ASPRV1: variants seen among roughly 807,000 people sequenced by gnomAD.
ASPRV1 encodes aspartic peptidase retroviral like 1.
ASPRV1 carries 7 observed loss-of-function variants against 11.0 expected under a neutral mutation model. The observed-to-expected ratio is 0.64, with a 90% CI of 0.36 to 1.20. The LOEUF is 1.20. ASPRV1 is among the 50% of genes most tolerant of loss of function. ASPRV1 has a pLI of 0.02. For missense variants in ASPRV1, 299 were observed against 320.0 expected (o/e 0.93, Z 0.50); for synonymous variants, 136 against 138.4 (o/e 0.98, Z 0.12).
At chr2:69,941,085 C>G in the ASPRV1 span, 1 of 151,976 alleles carries the variant, frequency 6.6e-6, no homozygotes, top group Non-Finnish European at 1.5e-5. Context: ...GACAATTGTA[C>G]GTAAATACAG....
chr2:69,960,448 C>T lies in ASPRV1; in HGVS notation c.*209G>A, dbSNP rs1323150541. On this transcript the variant is annotated 3_prime_UTR_variant, in exon 1 of 1. Transcript: ENST00000320256. ...TGGGGACCCTGTCCCTCTAAGCCAGCCTGCTCTCCCTCACCTGTGCCTGTT... is the reference window on the plus strand; with the variant it reads ...TGGGGACCCTGTCCCTCTAAGCCAGTCTGCTCTCCCTCACCTGTGCCTGTT... 1 of 574,614 alleles carries T rather than the reference C, an allele frequency of 1.7e-6. No individual in the cohort carries two copies. The highest frequency in any genetic ancestry group is 3.0e-5 in the Admixed American group (1 of 33,096). The allele number at this position is 574,614 out of a possible 1,614,324, so 35.6% of individuals were successfully genotyped here.
chr2:69,955,050 A>T, the ASPRV1 span, among the ~76,000 whole-genome samples: 1 of 152,232 alleles, frequency 6.6e-6, no homozygotes, highest in Non-Finnish European at 1.5e-5. Flanking sequence ...AGTGAAAAGC[A>T]TAACAGCTTT....
the ASPRV1 span, among the ~76,000 whole-genome samples, chr2:70,086,799 G>C: frequency 1.3e-5 from 2 of 152,246 alleles, no homozygotes; most frequent in Non-Finnish European, 2.9e-5. Flanking sequence ...TTCTTTTTAG[G>C]ACCACGTTTC....
At chr2:70,031,567 G>A in the ASPRV1 span, 1 of 152,168 alleles carries the variant, frequency 6.6e-6, no homozygotes, top group Non-Finnish European at 1.5e-5. Flanking sequence ...AGTGGTGGTG[G>A]GCGCCTGTTG....
chr2:69,998,632 G>A, the ASPRV1 span, among the ~76,000 whole-genome samples: 1 of 152,058 alleles, frequency 6.6e-6, no homozygotes, highest in African/African-American at 2.4e-5. Flanking sequence ...AGGAGGCTGA[G>A]GCAGGAGAAT....
chr2:70,086,400 A>G, the ASPRV1 span: 1 of 152,286 alleles, frequency 6.6e-6, no homozygotes, highest in Non-Finnish European at 1.5e-5. Flanking sequence ...GCTTAGCCCA[A>G]GGAGGAAGGG....
At chr2:69,972,732 GC>G in the ASPRV1 span, among the ~76,000 whole-genome samples, 7 of 151,958 alleles carry the variant, frequency 4.6e-5, no homozygotes, top group African/African-American at 1.5e-4. Context: ...CCTTTTCTTG[GC>G]CCCACACTGA....
chr2:69,935,409 G>A, the ASPRV1 span: 28 of 1,614,068 alleles, frequency 1.7e-5, no homozygotes, highest in Admixed American at 2.3e-4. Context: ...ACTTGGACCC[G>A]AATCAAGTCG....
chr2:69,956,718 G>A (rs576596871), downstream of ASPRV1, among the ~76,000 whole-genome samples: 1 of 152,216 alleles, frequency 6.6e-6, no homozygotes, highest in East Asian at 1.9e-4. Flanking sequence ...CTCATGACGG[G>A]GGTAAAATAG....
At chr2:70,071,812 A>C in the ASPRV1 span, 6 of 145,198 alleles carry the variant, frequency 4.1e-5, no homozygotes, top group Admixed American at 4.2e-4. Flanking sequence ...CAAAACAAGA[A>C]ATAATTTTCA....
At chr2:70,026,757 T>C in the ASPRV1 span, among the ~76,000 whole-genome samples, 4 of 152,106 alleles carry the variant, frequency 2.6e-5, no homozygotes, top group African/African-American at 9.7e-5. Context: ...ATTTATACTG[T>C]TAAAATACCC....
the ASPRV1 span, among the ~76,000 whole-genome samples, chr2:70,022,704 C>A: frequency 4.0e-5 from 6 of 151,822 alleles, no homozygotes; most frequent in African/African-American, 1.5e-4. Flanking sequence ...AAAAATAACA[C>A]AAGCAAATTT....
chr2:69,988,701 C>A, the ASPRV1 span: 1 of 446,216 alleles, frequency 2.2e-6, no homozygotes, highest in Non-Finnish European at 4.5e-6. Flanking sequence ...TATATTTTAC[C>A]ACAATTAGAA....
chr2:69,938,849 C>T, the ASPRV1 span: 1 of 152,980 alleles, frequency 6.5e-6, no homozygotes, highest in Admixed American at 6.5e-5. Context: ...TGCTCATTCC[C>T]CCGACGCGCC....
chr2:70,057,253 G>A, the ASPRV1 span, among the ~76,000 whole-genome samples: 1 of 151,638 alleles, frequency 6.6e-6, no homozygotes, highest in African/African-American at 2.4e-5. Context: ...AAAAAAGAAA[G>A]AAAGAAAGAA....
the ASPRV1 span, among the ~76,000 whole-genome samples, chr2:70,009,763 T>C: frequency 1.3e-5 from 2 of 152,204 alleles, no homozygotes; most frequent in African/African-American, 4.8e-5. Context: ...AGAAAGGTTC[T>C]GAAGGAAATA....
chr2:70,060,340 C>CAAA, the ASPRV1 span, among the ~76,000 whole-genome samples: 283 of 52,604 alleles, frequency 5.4e-3, 19 homozygotes, highest in East Asian at 0.039. Context: ...GACTCCATCT[C>CAAA]AAAAAAAAAA....
chr2:70,054,029 A>G, the ASPRV1 span: 1 of 152,310 alleles, frequency 6.6e-6, no homozygotes, highest in Non-Finnish European at 1.5e-5. Context: ...CATAGGAAGC[A>G]TGTTATAAAA....
At chr2:69,936,393 G>A in the ASPRV1 span, among the ~76,000 whole-genome samples, 239 of 152,256 alleles carry the variant, frequency 1.6e-3, 1 homozygote, top group Non-Finnish European at 2.0e-3. Context: ...TAGGGTATCG[G>A]GCACAGAGTT....
Sources: allele counts gnomAD v4.1 joint callset (sites outside exome capture counted in the v4.1 genomes callset), GRCh38; gene constraint gnomAD v4.1.1; transcripts MANE v1.5; gene names NCBI Gene and HGNC (gene_info 2026-07-23, HGNC 2026-07-21).